Variants in ABLIM2 observed in about 807,000 individuals in gnomAD.
The protein encoded by ABLIM2 is actin-binding LIM protein 2.
Under a neutral mutation model 97.7 loss-of-function variants are expected in ABLIM2, and 53 were observed. The observed-to-expected ratio is 0.54, with a 90% CI of 0.44 to 0.68. The LOEUF is 0.68. ABLIM2 is among the 30% of genes least tolerant of loss of function. ABLIM2 has a pLI of 0.00. For missense variants in ABLIM2, 835 were observed against 867.2 expected, an observed-to-expected ratio of 0.96 and a Z score of 0.47; for synonymous variants, 361 against 345.8, an observed-to-expected ratio of 1.04 and a Z score of -0.49.
At chr4:7,967,601 C>T (rs1224641294) in intron 20 of ABLIM2, among the ~76,000 whole-genome samples, 5 of 152,186 alleles carry the variant, frequency 3.3e-5, no homozygotes, top group Admixed American at 6.5e-5. Context: ...CAGGCCCAGG[C>T]GCAAATCCTC....
intron 20 of ABLIM2, among the ~76,000 whole-genome samples, chr4:7,977,098 C>T (rs1475435009): frequency 6.6e-6 from 1 of 152,118 alleles, no homozygotes; most frequent in African/African-American, 2.4e-5. Context: ...GGGTGGTTTC[C>T]CCCATGCTGT....
chr4:8,101,992 C>T (rs551333533), intron 2 of ABLIM2, among the ~76,000 whole-genome samples: 43 of 152,300 alleles, frequency 2.8e-4, no homozygotes, highest in Admixed American at 1.8e-3. Context: ...CCTAGGTGCC[C>T]GCACCTGCCT....
chr4:8,057,965 G>T (rs1488796067), intron 7 of ABLIM2, among the ~76,000 whole-genome samples: 1 of 152,254 alleles, frequency 6.6e-6, no homozygotes, highest in Non-Finnish European at 1.5e-5. Flanking sequence ...CAGCTGGTCA[G>T]ACCTGTCATG....
chr4:7,968,828 C>A, intron 20 of ABLIM2, among the ~76,000 whole-genome samples: 1 of 152,170 alleles, frequency 6.6e-6, no homozygotes, highest in Non-Finnish European at 1.5e-5. Flanking sequence ...CTGAACTGTA[C>A]TGAATGGTAC....
rs1298726500 is a variant in ABLIM2 at position 8,071,790 on chromosome 4, G to C, written c.675+5838C>G. ...CTACCTGCACAGCTTCTGGGCACCA[G>C]AGCCCAGTCTGACGGCCCTGCTTGA... is the stretch of plus-strand genomic sequence containing the variant. On this transcript the variant is annotated intron_variant, in intron 6 of 20. Transcript: ENST00000447017. The surrounding 1 kb of genome is among the most constrained non-coding windows in gnomAD (Gnocchi z 6.2). 5.1e-6 allele frequency: 5 copies of C among 983,800 alleles called. No homozygotes were observed. Among genetic ancestry groups the C allele is most frequent in the Non-Finnish European group, 6.0e-6 (5 of 829,666 alleles). The allele number at this position is 983,800 out of a possible 1,614,324, so 60.9% of individuals were successfully genotyped here.
At chr4:8,056,263 G>A (rs537489735) in intron 7 of ABLIM2, among the ~76,000 whole-genome samples, 1 of 151,190 alleles carries the variant, frequency 6.6e-6, no homozygotes, top group East Asian at 1.9e-4. Flanking sequence ...CCTACAAATG[G>A]AAGGGGTTCA....
Position 8,128,266 on chromosome 4 carries a change from C to G in ABLIM2, c.11-21629G>C, listed in dbSNP as rs1241876874. ...GGGGTCCGCCCTCATCCACAATGAC[C>G]TCATCTCCATCTTTACCATAATTAC... On this transcript the variant is annotated intron_variant, in intron 1 of 20. Coordinates refer to ENST00000447017, the MANE Select transcript of ABLIM2 (RefSeq NM_001130083.2). The surrounding 1 kb of genome is among the most constrained non-coding windows in gnomAD (Gnocchi z 4.9). Among the ~76,000 whole-genome samples, 1 of 152,168 alleles carries G rather than the reference C, an allele frequency of 6.6e-6. No homozygotes were observed. The highest frequency in any genetic ancestry group is 1.5e-5 in the Non-Finnish European group (1 of 68,034).
chr4:8,064,105 A>T (rs1805331279), intron 6 of ABLIM2, among the ~76,000 whole-genome samples: 1 of 152,130 alleles, frequency 6.6e-6, no homozygotes, highest in Non-Finnish European at 1.5e-5. Context: ...GATAATAAAA[A>T]CCCTGATTTC....
rs1183733105 is a variant in ABLIM2, at chr4:8,033,047, C to T, written c.1047+3102G>A. On this transcript the variant is annotated intron_variant, in intron 10 of 20. Transcript: ENST00000447017. This position sits in a 1 kb window ranked among gnomAD's most constrained non-coding sequence, Gnocchi z 4.5. The stretch of plus-strand genomic sequence containing the variant: ...GCAACATCCTGAGGGCCCATCACCT[C>T]GGTTTTCTCTGGACAAGAGAGAAAA... Among the ~76,000 whole-genome samples the T allele has an allele frequency of 3.3e-5, 5 of 152,298 alleles. No individual in the cohort carries two copies. The highest frequency in any genetic ancestry group is 4.1e-4 in the South Asian group (2 of 4,832).
intron 6 of ABLIM2, among the ~76,000 whole-genome samples, chr4:8,062,056 G>T (rs1308742686): frequency 6.6e-6 from 1 of 151,696 alleles, no homozygotes; most frequent in Non-Finnish European, 1.5e-5. Context: ...CAGCAAAGGG[G>T]CTCTTCCCGC....
At position 8,033,136 on chromosome 4, in the gene ABLIM2, G is replaced by A. The variant is rs576055886; in HGVS notation, c.1047+3013C>T. Reference sequence around the variant, plus strand: ...GGTTGGAGACGGCTCTGCCGTGGGGGTCCTGGGGCCCTAGACAGCAGGCTG... The same window carrying A: ...GGTTGGAGACGGCTCTGCCGTGGGGATCCTGGGGCCCTAGACAGCAGGCTG... On this transcript the variant is annotated intron_variant, in intron 10 of 20. Transcript: ENST00000447017. The surrounding 1 kb of genome is among the most constrained non-coding windows in gnomAD (Gnocchi z 4.5). Among the ~76,000 whole-genome samples the A allele has an allele frequency of 6.6e-6, 1 of 152,196 alleles. No individual in the cohort carries two copies. The highest frequency in any genetic ancestry group is 1.5e-5 in the Non-Finnish European group (1 of 68,034).
intron 16 of ABLIM2, among the ~76,000 whole-genome samples, chr4:7,993,672 G>A (rs1485150661): frequency 6.6e-6 from 1 of 152,092 alleles, no homozygotes; most frequent in African/African-American, 2.4e-5. Flanking sequence ...GTGAGATCCT[G>A]TCTCTAAAAA....
At chr4:8,100,113 A>T (rs558933899) in intron 2 of ABLIM2, among the ~76,000 whole-genome samples, 2 of 152,132 alleles carry the variant, frequency 1.3e-5, no homozygotes, top group South Asian at 4.2e-4. Context: ...AGATGAATCA[A>T]CATCACTTTC....
intron 20 of ABLIM2, among the ~76,000 whole-genome samples, chr4:7,977,208 T>C (rs1734200529): frequency 6.6e-6 from 1 of 152,328 alleles, no homozygotes; most frequent in Non-Finnish European, 1.5e-5. Flanking sequence ...CCATGTAAGA[T>C]GTGCCTTGCT....
In ABLIM2 at chr4:8,058,443, C is replaced by T. The variant is rs764187630; in HGVS notation, c.763+2524G>A. ...ATTCAACAGCCCGCAGGCACCTGCA[C>T]GGCAGACGCTCTGACAGCAGCTCTC... On this transcript the variant is annotated intron_variant, in intron 7 of 20. Transcript: ENST00000447017. The surrounding 1 kb of genome is among the most constrained non-coding windows in gnomAD (Gnocchi z 4.2). Among the ~76,000 whole-genome samples, 15 of 152,234 alleles carry T rather than the reference C, an allele frequency of 9.9e-5. No homozygotes were observed. The highest frequency in any genetic ancestry group is 4.1e-4 in the South Asian group (2 of 4,838).
intron 7 of ABLIM2, among the ~76,000 whole-genome samples, chr4:8,057,896 C>T (rs1489161970): frequency 1.3e-5 from 2 of 152,212 alleles, no homozygotes; most frequent in African/African-American, 4.8e-5. Context: ...CTCAGGATGA[C>T]CAGGCAGGGT....
chr4:7,967,888 C>T (rs373146594), intron 20 of ABLIM2, among the ~76,000 whole-genome samples: 41 of 152,338 alleles, frequency 2.7e-4, no homozygotes, highest in Middle Eastern at 3.4e-3. Flanking sequence ...TGGGTGCTGG[C>T]TGCATGTGTT....
intron 1 of ABLIM2, among the ~76,000 whole-genome samples, chr4:8,145,186 A>T (rs1851590029): frequency 6.9e-6 from 1 of 144,682 alleles, no homozygotes. Context: ...GCAGGTATTG[A>T]TTTTTTTTTT....
rs762065395 is a variant in ABLIM2 at position 8,122,134 on chromosome 4, G to A, written c.11-15497C>T. On this transcript the variant is annotated intron_variant, in intron 1 of 20. Transcript: ENST00000447017. This position sits in a 1 kb window ranked among gnomAD's most constrained non-coding sequence, Gnocchi z 4.1. ...AGCATATACTGGCCACACCTCAGCT[G>A]CAACCCACTCCTCCCCAGGCCTTTG... 3.9e-5 allele frequency among the ~76,000 whole-genome samples: 6 copies of A among 152,188 alleles called. No homozygotes were observed. The highest frequency in any genetic ancestry group is 8.8e-5 in the Non-Finnish European group (6 of 68,030).
Sources: allele counts gnomAD v4.1 joint callset (sites outside exome capture counted in the v4.1 genomes callset), GRCh38; gene constraint gnomAD v4.1.1; non-coding constraint Gnocchi (gnomAD v3.1); transcripts MANE v1.5; gene names NCBI Gene and HGNC (gene_info 2026-07-23, HGNC 2026-07-21).